Variants in SLC44A5 observed in about 807,000 individuals in gnomAD.
The protein encoded by SLC44A5 is solute carrier family 44 member 5.
Under a neutral mutation model 101.8 loss-of-function variants are expected in SLC44A5, and 57 were observed. That is an observed-to-expected ratio of 0.56 (90% CI 0.45 to 0.70). SLC44A5 has a LOEUF of 0.70. Ranked by LOEUF, SLC44A5 falls within the 30% of genes least tolerant of loss-of-function variation. The probability of loss-of-function intolerance (pLI) is 0.00; values close to 1 mark genes in which losing one functional copy is unlikely to be tolerated. For synonymous variants in SLC44A5, 281 were observed against 290.9 expected (o/e 0.97, Z 0.35); for missense variants, 737 against 853.1 (o/e 0.86, Z 1.70).
At chr1:75,493,101 A>T (rs1006651562) in intron 2 of SLC44A5, among the ~76,000 whole-genome samples, 1 of 152,234 alleles carries the variant, frequency 6.6e-6, no homozygotes, top group Non-Finnish European at 1.5e-5. Flanking sequence ...TGAAAAAAGT[A>T]TTATGGAATC....
chr1:75,271,497 T>TTTTTTTTGTGTGTGTGTG (rs1553152601), intron 6 of SLC44A5, among the ~76,000 whole-genome samples: 206 of 146,394 alleles, frequency 1.4e-3, no homozygotes, highest in Middle Eastern at 7.0e-3. Context: ...TCTGCATGTT[T>TTTTTTTTGTGTGTGTGTG]TGTGTGTGTG....
chr1:75,659,816 A>C, the SLC44A5 span, among the ~76,000 whole-genome samples: 2 of 151,972 alleles, frequency 1.3e-5, no homozygotes, highest in Non-Finnish European at 2.9e-5. Flanking sequence ...AGATACAAAA[A>C]TCCTCAACAA....
intron 2 of SLC44A5, among the ~76,000 whole-genome samples, chr1:75,413,547 A>G (rs1663419369): frequency 6.6e-6 from 1 of 152,196 alleles, no homozygotes; most frequent in Non-Finnish European, 1.5e-5. Context: ...ATATTTATTT[A>G]TGACTGTCTA....
At position 75,585,598 on chromosome 1, in the gene SLC44A5, T is replaced by C. The variant is rs114936512; in HGVS notation, c.-70+25442A>G. Among the ~76,000 whole-genome samples, 285 of 152,264 alleles carry C rather than the reference T, an allele frequency of 1.9e-3. 3 individuals carry two copies. The highest frequency in any genetic ancestry group is 6.7e-3 in the African/African-American group (278 of 41,544). ...AAACTGGCCCACAGCTGAGAACCAC[T>C]ATGCTCCCTCTGAGGGCTGTTGTGA... On this transcript the variant is annotated intron_variant, in intron 1 of 23. Transcript: ENST00000370859.
intron 2 of SLC44A5, among the ~76,000 whole-genome samples, chr1:75,483,553 A>C (rs1275356337): frequency 6.6e-6 from 1 of 152,232 alleles, no homozygotes; most frequent in Non-Finnish European, 1.5e-5. Flanking sequence ...TTAGAGAAGT[A>C]GATTTCCCCT....
chr1:75,305,487 T>C (rs1257424167), intron 4 of SLC44A5, among the ~76,000 whole-genome samples: 2 of 152,212 alleles, frequency 1.3e-5, no homozygotes, highest in African/African-American at 4.8e-5. Context: ...TTTTCAAATA[T>C]CTTCACTTCA....
At chr1:75,712,313 A>G in the SLC44A5 span, among the ~76,000 whole-genome samples, 11 of 152,262 alleles carry the variant, frequency 7.2e-5, no homozygotes, top group Non-Finnish European at 1.5e-4. Context: ...AAAAAGGTCT[A>G]TCTGTGGTTC....
chr1:75,452,745 C>T (rs1451657748), intron 2 of SLC44A5, among the ~76,000 whole-genome samples: 1 of 152,076 alleles, frequency 6.6e-6, no homozygotes, highest in Non-Finnish European at 1.5e-5. Flanking sequence ...GGTCACTACA[C>T]TTACATCCGA....
At chr1:75,616,176 G>A in the SLC44A5 span, among the ~76,000 whole-genome samples, 12 of 151,586 alleles carry the variant, frequency 7.9e-5, no homozygotes, top group Admixed American at 5.9e-4. Flanking sequence ...TGCTGCTGGA[G>A]GGGGCAGCGC....
At chr1:75,719,437 A>G in the SLC44A5 span, among the ~76,000 whole-genome samples, 1 of 152,172 alleles carries the variant, frequency 6.6e-6, no homozygotes, top group African/African-American at 2.4e-5. Flanking sequence ...GTCCTAGTAT[A>G]ATTTATCCTT....
chr1:75,242,750 T>G (rs1648750035), intron 8 of SLC44A5, 136 bp downstream of exon 8: 1 of 1,070,428 alleles, frequency 9.3e-7, no homozygotes, highest in African/African-American at 1.6e-5. Context: ...ACACATGCAT[T>G]TCTGTTTCAA....
chr1:75,397,229 G>A (rs1044409947), intron 2 of SLC44A5, among the ~76,000 whole-genome samples: 4 of 152,098 alleles, frequency 2.6e-5, no homozygotes, highest in Admixed American at 2.0e-4. Flanking sequence ...GAATGGGGAG[G>A]TGGCACGTGC....
the SLC44A5 span, among the ~76,000 whole-genome samples, chr1:75,688,391 A>T: frequency 5.9e-5 from 9 of 152,208 alleles, no homozygotes; most frequent in Non-Finnish European, 1.3e-4. Context: ...AAAGCTCAGT[A>T]TACTTTTTGG....
intron 2 of SLC44A5, among the ~76,000 whole-genome samples, chr1:75,514,465 A>G (rs1468936486): frequency 1.3e-5 from 2 of 152,204 alleles, no homozygotes; most frequent in African/African-American, 2.4e-5. Flanking sequence ...CATGGCATCC[A>G]AGTGAAAAAC....
At chr1:75,389,922 C>G (rs1661668802) in intron 3 of SLC44A5, among the ~76,000 whole-genome samples, 1 of 151,876 alleles carries the variant, frequency 6.6e-6, no homozygotes, top group Non-Finnish European at 1.5e-5. Context: ...AGACTACTAG[C>G]TAGATTAAAA....
chr1:75,350,193 C>T (rs114064726), intron 3 of SLC44A5, among the ~76,000 whole-genome samples: 2 of 151,874 alleles, frequency 1.3e-5, no homozygotes, highest in Admixed American at 6.6e-5. Flanking sequence ...GATTAGAGTT[C>T]TTATAAGAAG....
intron 4 of SLC44A5, among the ~76,000 whole-genome samples, chr1:75,304,701 C>T (rs1654774116): frequency 6.6e-6 from 1 of 152,126 alleles, no homozygotes; most frequent in African/African-American, 2.4e-5. Flanking sequence ...AAGCTCATGG[C>T]TGAAAATTAT....
At chr1:75,603,502 G>C (rs566037446) in intron 1 of SLC44A5, among the ~76,000 whole-genome samples, 1 of 151,890 alleles carries the variant, frequency 6.6e-6, no homozygotes, top group Non-Finnish European at 1.5e-5. Flanking sequence ...ATGCCCAGTA[G>C]TGGGATTGCT....
At chr1:75,384,906 C>T (rs1357425923) in intron 3 of SLC44A5, among the ~76,000 whole-genome samples, 1 of 151,088 alleles carries the variant, frequency 6.6e-6, no homozygotes, top group East Asian at 1.9e-4. Flanking sequence ...AAGAATCTCA[C>T]TCAAAACCAC....
Sources: allele counts gnomAD v4.1 joint callset (sites outside exome capture counted in the v4.1 genomes callset), GRCh38; gene constraint gnomAD v4.1.1; transcripts MANE v1.5; gene names NCBI Gene and HGNC (gene_info 2026-07-23, HGNC 2026-07-21).